The following TJP2 variants were observed in gnomAD, a reference collection of about 807,000 sequenced individuals.
TJP2 encodes Friedreich ataxia region gene X104 (tight junction protein ZO-2).
TJP2 carries 91 observed loss-of-function variants against 133.1 expected under a neutral mutation model. The observed-to-expected ratio is 0.68, with a 90% confidence interval of 0.58 to 0.81. The LOEUF is 0.81. Among genes scored for constraint, TJP2 ranks in the 40% least tolerant of loss-of-function variants. TJP2 has a pLI of 0.00. For synonymous variants in TJP2, 592 were observed against 583.4 expected (o/e 1.01, Z -0.21); for missense variants, 1,541 against 1,565.6 (o/e 0.98, Z 0.26).
chr9:69,143,897 C>T (rs191835999), intron 1 of TJP2, among the ~76,000 whole-genome samples: 19 of 152,116 alleles, frequency 1.2e-4, no homozygotes, highest in Non-Finnish European at 2.2e-4. Context: ...TACACTCTAC[C>T]GTATACATGA....
intron 2 of TJP2, among the ~76,000 whole-genome samples, chr9:69,167,512 A>G (rs573987621): frequency 3.7e-4 from 56 of 152,342 alleles, no homozygotes; most frequent in African/African-American, 1.2e-3. Context: ...TTTAGTAACT[A>G]TGGAACAATG....
intron 2 of TJP2, among the ~76,000 whole-genome samples, chr9:69,157,393 TA>T: frequency 6.6e-6 from 1 of 151,910 alleles, no homozygotes; most frequent in Admixed American, 6.6e-5. Flanking sequence ...CTGGGTGGCT[TA>T]AACAGAAATT....
chr9:69,137,715 C>T lies in TJP2; in HGVS notation c.-130-13936C>T, dbSNP rs567856448. Among the ~76,000 whole-genome samples, 5 of 152,052 alleles carry T rather than the reference C, an allele frequency of 3.3e-5. No homozygotes were observed. In the East Asian group the frequency reaches 9.7e-4, roughly 29 times the overall value. The stretch of plus-strand genomic sequence containing the variant: ...CTGGCCTTGAGAAGAAGAAACTTTC[C>T]AGCTTTTCTTCAAGGTCTTTGAATC... On this transcript the variant is annotated intron_variant, in intron 1 of 5. Transcript: ENST00000423935.
chr9:69,135,217 C>T (rs1336792624), intron 1 of TJP2, among the ~76,000 whole-genome samples: 6 of 151,526 alleles, frequency 4.0e-5, no homozygotes. Context: ...ATAATCATGG[C>T]TGGCACTCTT....
chr9:69,170,038 A>G (rs149864726), upstream of TJP2, among the ~76,000 whole-genome samples: 38 of 152,208 alleles, frequency 2.5e-4, no homozygotes, highest in African/African-American at 8.2e-4. Flanking sequence ...TTGTAGAGAC[A>G]GAATCTCACT....
intron 2 of TJP2, among the ~76,000 whole-genome samples, chr9:69,156,079 G>A (rs777348976): frequency 6.6e-6 from 1 of 152,178 alleles, no homozygotes; most frequent in Non-Finnish European, 1.5e-5. Flanking sequence ...AACTTAGAGA[G>A]TTTGGCCAGG....
At chr9:69,195,553 T>A (rs1826495350) in intron 1 of TJP2, among the ~76,000 whole-genome samples, 1 of 152,146 alleles carries the variant, frequency 6.6e-6, no homozygotes, top group Admixed American at 6.5e-5. Context: ...TCTATTTTTG[T>A]ATGTGAAAAA....
At chr9:69,230,018 A>G in intron 10 of TJP2, 64 bp from the exon 11 acceptor site, 1 of 1,585,032 alleles carries the variant, frequency 6.3e-7, no homozygotes, top group African/African-American at 1.3e-5. Context: ...CTCATTTGCT[A>G]ATGTTGTTCT....
At chr9:69,188,473 CT>C (rs955872377) in intron 1 of TJP2, among the ~76,000 whole-genome samples, 2 of 152,164 alleles carry the variant, frequency 1.3e-5, no homozygotes, top group African/African-American at 4.8e-5. Context: ...CCAGTCTCTG[CT>C]TTTTAGAATC....
intron 16 of TJP2, among the ~76,000 whole-genome samples, 153 bp downstream of exon 16, chr9:69,238,942 C>G (rs1830391412): frequency 2.0e-5 from 3 of 151,750 alleles, no homozygotes; most frequent in Admixed American, 1.3e-4. Flanking sequence ...AATCCCAACA[C>G]TTTGAGAGGC....
At chr9:69,174,260 C>T (rs959138970), upstream of TJP2, 39 of 1,525,404 alleles carry the variant, frequency 2.6e-5, no homozygotes, top group Non-Finnish European at 3.1e-5. Flanking sequence ...GGCACCCCGG[C>T]GGTTGGGCTG....
rs976247085 is a variant in TJP2 at position 69,223,154 on chromosome 9, A to G, written c.952+1658A>G. Among the ~76,000 whole-genome samples the G allele has an allele frequency of 6.0e-5, 9 of 151,260 alleles. No individual in the cohort carries two copies. In the East Asian group the frequency reaches 1.6e-3, roughly 26 times the overall value. ...TAAGCTCTCCTAGTGGCCTTGCTGC[A>G]TCTCAAGTGGAAAACCACAGTGGAG... On this transcript the variant is annotated intron_variant, in intron 5 of 22. Coordinates refer to ENST00000377245, the MANE Select transcript of TJP2 (RefSeq NM_004817.4).
intron 1 of TJP2, among the ~76,000 whole-genome samples, chr9:69,197,545 T>A (rs1826676419): frequency 6.6e-6 from 1 of 152,334 alleles, no homozygotes; most frequent in South Asian, 2.1e-4. Context: ...CGTAATGCTC[T>A]TCTGAGAGGA....
intron 1 of TJP2, among the ~76,000 whole-genome samples, chr9:69,211,367 A>G (rs1827899747): frequency 6.6e-6 from 1 of 152,060 alleles, no homozygotes; most frequent in African/African-American, 2.4e-5. Context: ...AAAAACCAAC[A>G]TATACACATA....
At chr9:69,224,938 A>G (rs1829219911) in intron 5 of TJP2, among the ~76,000 whole-genome samples, 1 of 152,172 alleles carries the variant, frequency 6.6e-6, no homozygotes, top group Non-Finnish European at 1.5e-5. Flanking sequence ...TACATCAGTC[A>G]CCGTAATACC....
rs762946761 is a variant in TJP2 at position 69,178,072 on chromosome 9, A to G, written c.60+3640A>G. Among the ~76,000 whole-genome samples the G allele has an allele frequency of 2.6e-5, 4 of 152,148 alleles. No individual in the cohort carries two copies. In the East Asian group the frequency reaches 7.7e-4, roughly 29 times the overall value. On this transcript the variant is annotated intron_variant, in intron 1 of 22. Coordinates refer to ENST00000377245, the MANE Select transcript of TJP2 (RefSeq NM_004817.4). The stretch of plus-strand genomic sequence containing the variant: ...TGGTGTCTCTATCATCCAGCTGGCC[A>G]TTAAACAACCAAAGCTTCATCATCC...
At chr9:69,199,713 T>G (rs1482013888) in intron 1 of TJP2, among the ~76,000 whole-genome samples, 3 of 152,212 alleles carry the variant, frequency 2.0e-5, no homozygotes, top group Non-Finnish European at 4.4e-5. Context: ...TTTCCTTCCT[T>G]TCTTTCCTTT....
At chr9:69,195,437 A>G (rs929273290) in intron 1 of TJP2, among the ~76,000 whole-genome samples, 1 of 150,580 alleles carries the variant, frequency 6.6e-6, no homozygotes, top group Admixed American at 6.6e-5. Context: ...TTTTGGTCTC[A>G]TATCTTATGA....
intron 10 of TJP2, among the ~76,000 whole-genome samples, chr9:69,229,763 C>T (rs866158954): frequency 3.3e-5 from 5 of 152,338 alleles, no homozygotes; most frequent in African/African-American, 2.4e-5. Context: ...GACAAGAATG[C>T]AGTGCAAGCG....
Sources: allele counts gnomAD v4.1 joint callset (sites outside exome capture counted in the v4.1 genomes callset), GRCh38; gene constraint gnomAD v4.1.1; transcripts MANE v1.5; gene names NCBI Gene and HGNC (gene_info 2026-07-23, HGNC 2026-07-21).